GALNT9: variants seen among roughly 807,000 people sequenced by gnomAD.
GALNT9 encodes the protein polypeptide N-acetylgalactosaminyltransferase 9.
GALNT9 carries 47 observed loss-of-function variants against 63.1 expected under a neutral mutation model. The observed-to-expected ratio is 0.75, with a 90% CI of 0.59 to 0.95. GALNT9 has a LOEUF of 0.95. Ranked by LOEUF, GALNT9 falls within the 40% of genes least tolerant of loss-of-function variation. The pLI is 0.00. For synonymous variants in GALNT9, 396 were observed against 365.7 expected (o/e 1.08, Z -0.94); for missense variants, 829 against 874.8 (o/e 0.95, Z 0.66).
At chr12:132,293,378 A>G (rs1479457662) in intron 1 of GALNT9, among the ~76,000 whole-genome samples, 1 of 152,204 alleles carries the variant, frequency 6.6e-6, no homozygotes, top group Admixed American at 6.5e-5. Flanking sequence ...CAGCCCCTCA[A>G]TAGGTAACTT....
chr12:132,262,762 T>C (rs1593091547), intron 2 of GALNT9, 137 bp from the exon 3 acceptor site: 3 of 1,437,016 alleles, frequency 2.1e-6, no homozygotes, highest in South Asian at 1.5e-5. Flanking sequence ...CCAGGAGCCA[T>C]AGCTCATCTG....
intron 4 of GALNT9, 103 bp from the exon 5 acceptor site, chr12:132,257,989 G>T: frequency 1.3e-6 from 1 of 778,564 alleles, no homozygotes; most frequent in Non-Finnish European, 2.1e-6. Context: ...CACCTGGTCT[G>T]CATCTAGCCC....
chr12:132,199,116 C>A, intron 9 of GALNT9, 58 bp downstream of exon 9: 1 of 1,136,950 alleles, frequency 8.8e-7, no homozygotes, highest in South Asian at 1.3e-5. Flanking sequence ...GGTGTAGGGT[C>A]CGGGTGGCCT....
chr12:132,287,989 G>A (rs1246482871), intron 1 of GALNT9, among the ~76,000 whole-genome samples: 7 of 152,230 alleles, frequency 4.6e-5, no homozygotes, highest in Non-Finnish European at 5.9e-5. Context: ...GCTGCCTTTT[G>A]TCAGCTTGCA....
chr12:132,238,620 G>A lies in GALNT9; in HGVS notation c.1077+9290C>T, dbSNP rs1565994793. Among the ~76,000 whole-genome samples, 1 of 152,152 alleles carries A rather than the reference G, an allele frequency of 6.6e-6. No individual in the cohort carries two copies. The highest frequency in any genetic ancestry group is 2.4e-5 in the African/African-American group (1 of 41,426). ...ACCTGCACCTGGGCCAGTGGAAGGCGAAGGTGGGCAGGCCTGAGTGTGAGT... is the reference window on the plus strand; with the variant it reads ...ACCTGCACCTGGGCCAGTGGAAGGCAAAGGTGGGCAGGCCTGAGTGTGAGT... On this transcript the variant is annotated intron_variant, in intron 6 of 10. Coordinates refer to ENST00000328957, the MANE Select transcript of GALNT9 (RefSeq NM_001122636.2). The surrounding 1 kb of genome is among the most constrained non-coding windows in gnomAD (Gnocchi z 6.5).
At position 132,218,583 on chromosome 12, in the gene GALNT9, C is replaced by T. The variant is rs569283993; in HGVS notation, c.1078-14893G>A. On this transcript the variant is annotated intron_variant, in intron 6 of 10. Coordinates refer to ENST00000328957, the MANE Select transcript of GALNT9 (RefSeq NM_001122636.2). ...TCGGGAAATGATAATTCCTCTGGTACGGCTGTGGGTGACGCCACCCTCTTG... is the reference window on the plus strand; with the variant it reads ...TCGGGAAATGATAATTCCTCTGGTATGGCTGTGGGTGACGCCACCCTCTTG... 4.6e-5 allele frequency among the ~76,000 whole-genome samples: 7 copies of T among 152,342 alleles called. No homozygotes were observed. In the South Asian group the frequency reaches 1.5e-3, roughly 32 times the overall value.
chr12:132,210,190 C>T (rs2135513102), intron 6 of GALNT9, among the ~76,000 whole-genome samples: 1 of 152,326 alleles, frequency 6.6e-6, no homozygotes, highest in South Asian at 2.1e-4. Flanking sequence ...CGGGCTGGCA[C>T]ATCACAGCGA....
At chr12:132,231,083 G>C (rs1877877872) in intron 6 of GALNT9, among the ~76,000 whole-genome samples, 1 of 100,524 alleles carries the variant, frequency 9.9e-6, no homozygotes, top group African/African-American at 4.5e-5. Context: ...CACTCGATGG[G>C]GCGACAGAGG....
intron 1 of GALNT9, among the ~76,000 whole-genome samples, chr12:132,291,765 C>T (rs782523098): frequency 2.0e-4 from 30 of 152,180 alleles, no homozygotes; most frequent in South Asian, 6.2e-4. Context: ...AGACCAGATG[C>T]GCTCAGTCCT....
intron 8 of GALNT9, chr12:132,200,740 G>A (rs10794456): frequency 0.17 from 35,561 of 207,870 alleles, 3,562 homozygotes; most frequent in Middle Eastern, 0.32. Flanking sequence ...GTGAGTGCAT[G>A]TATCCCTATG....
chr12:132,286,431 C>T lies in GALNT9; in HGVS notation c.239-1G>A. On this transcript the variant is annotated splice_acceptor_variant, in intron 1 of 10. Coordinates refer to ENST00000328957, the MANE Select transcript of GALNT9 (RefSeq NM_001122636.2). LOFTEE classifies it high-confidence loss of function. The surrounding 1 kb of genome is among the most constrained non-coding windows in gnomAD (Gnocchi z 7.4). ...ACCAGGCCGATGGGCTTGGCAAGGC[C>T]TGGGGGAAAGGAAGAGAGGGAGGTC... is the stretch of plus-strand genomic sequence containing the variant. 6.5e-7 allele frequency: 1 copy of T among 1,548,456 alleles called. No homozygotes were observed. The highest frequency in any genetic ancestry group is 2.0e-5 in the Admixed American group (1 of 50,656).
At chr12:132,208,340 G>A (rs931010373) in intron 6 of GALNT9, among the ~76,000 whole-genome samples, 17 of 152,324 alleles carry the variant, frequency 1.1e-4, no homozygotes, top group African/African-American at 3.4e-4. Flanking sequence ...GAAGGAGGCC[G>A]GAGCCCGGCT....
In GALNT9 at chr12:132,321,971, C is replaced by T. The variant is rs1253963284; in HGVS notation, c.238+6995G>A. The stretch of plus-strand genomic sequence containing the variant: ...CGGCCCCCTGCACCACCCCAGCCCC[C>T]GCCTCGGCCCCCAAGGGGCGTCCTC... On this transcript the variant is annotated intron_variant, in intron 1 of 10. Coordinates refer to ENST00000328957, the MANE Select transcript of GALNT9 (RefSeq NM_001122636.2). Among the ~76,000 whole-genome samples, 131 of 151,846 alleles carry T rather than the reference C, an allele frequency of 8.6e-4. 2 individuals carry two copies. Among genetic ancestry groups the T allele is most frequent in the South Asian group, 2.3e-3 (11 of 4,784 alleles).
At chr12:132,287,761 G>C (rs1555242348) in intron 1 of GALNT9, among the ~76,000 whole-genome samples, 1 of 152,060 alleles carries the variant, frequency 6.6e-6, no homozygotes, top group Admixed American at 6.5e-5. Context: ...AGGGGGCCGG[G>C]CCAGGGAAAG....
At chr12:132,258,216 G>A (rs905825369) in intron 4 of GALNT9, among the ~76,000 whole-genome samples, 6 of 152,154 alleles carry the variant, frequency 3.9e-5, no homozygotes, top group Admixed American at 6.5e-5. Context: ...TGTCCACCAC[G>A]GGGCTCCCCA....
chr12:132,218,386 T>C (rs1291382720), intron 6 of GALNT9, among the ~76,000 whole-genome samples: 1 of 152,218 alleles, frequency 6.6e-6, no homozygotes, highest in Non-Finnish European at 1.5e-5. Flanking sequence ...AGGTACCTAG[T>C]CAGCACTTTC....
intron 5 of GALNT9, among the ~76,000 whole-genome samples, chr12:132,256,810 A>G (rs1445142713): frequency 6.6e-6 from 1 of 152,204 alleles, no homozygotes; most frequent in East Asian, 1.9e-4. Flanking sequence ...GTCCTTGTCA[A>G]CATTTGGTAT....
chr12:132,202,346 C>T (rs1003766218), intron 7 of GALNT9, among the ~76,000 whole-genome samples: 2 of 152,190 alleles, frequency 1.3e-5, no homozygotes, highest in African/African-American at 2.4e-5. Context: ...ACCCTCTTCT[C>T]GTCTCTCAGA....
At chr12:132,302,535 A>G (rs2135575458) in intron 1 of GALNT9, among the ~76,000 whole-genome samples, 1 of 152,328 alleles carries the variant, frequency 6.6e-6, no homozygotes, top group East Asian at 1.9e-4. Context: ...AAACTCACGG[A>G]GCGTCTGCTA....
Sources: allele counts gnomAD v4.1 joint callset (sites outside exome capture counted in the v4.1 genomes callset), GRCh38; gene constraint gnomAD v4.1.1; non-coding constraint Gnocchi (gnomAD v3.1); transcripts MANE v1.5; gene names NCBI Gene and HGNC (gene_info 2026-07-23, HGNC 2026-07-21).